ZNF804B: variants seen among roughly 807,000 people sequenced by gnomAD.
ZNF804B encodes the protein zinc finger protein 804B.
Under a neutral mutation model 101.4 loss-of-function variants are expected in ZNF804B, and 80 were observed. That is an observed-to-expected ratio of 0.79 (90% confidence interval 0.66 to 0.95). The LOEUF is 0.95. ZNF804B is among the 40% of genes least tolerant of loss of function. The pLI, the probability that ZNF804B is intolerant of heterozygous loss-of-function variation, is 0.00. For missense variants in ZNF804B, 1,673 were observed against 1,561.9 expected, an observed-to-expected ratio of 1.07 and a Z score of -1.20; for synonymous variants, 622 against 558.8, an observed-to-expected ratio of 1.11 and a Z score of -1.59.
At chr7:88,848,621 C>CTT (rs35391874) in intron 1 of ZNF804B, among the ~76,000 whole-genome samples, 4,825 of 111,064 alleles carry the variant, frequency 0.043, 281 homozygotes, top group African/African-American at 0.14. Context: ...AATGCATTTT[C>CTT]TTTTTTTTTT....
chr7:89,270,432 T>A (rs1205640242), intron 2 of ZNF804B, among the ~76,000 whole-genome samples: 1 of 152,168 alleles, frequency 6.6e-6, no homozygotes, highest in Non-Finnish European at 1.5e-5. Context: ...TATATTTCTG[T>A]TTTGGTACCA....
chr7:89,253,007 A>C (rs985288812), intron 2 of ZNF804B, among the ~76,000 whole-genome samples: 5 of 152,158 alleles, frequency 3.3e-5, no homozygotes, highest in Non-Finnish European at 7.4e-5. Context: ...ATGTGTACCC[A>C]CTATATCTAA....
At chr7:88,864,280 C>G (rs924770234) in intron 1 of ZNF804B, among the ~76,000 whole-genome samples, 3 of 152,150 alleles carry the variant, frequency 2.0e-5, no homozygotes, top group African/African-American at 7.2e-5. Flanking sequence ...AATTTTGTTG[C>G]AATGAATGAG....
chr7:88,763,967 T>G (rs865967256), intron 1 of ZNF804B, among the ~76,000 whole-genome samples: 57 of 152,310 alleles, frequency 3.7e-4, no homozygotes, highest in Admixed American at 3.3e-4. Flanking sequence ...TAATTAAATT[T>G]AATAACTTAA....
At chr7:89,002,932 A>G (rs1788310391) in intron 1 of ZNF804B, among the ~76,000 whole-genome samples, 1 of 152,006 alleles carries the variant, frequency 6.6e-6, no homozygotes, top group Non-Finnish European at 1.5e-5. Flanking sequence ...CAATTCTTGA[A>G]TGTGATTTCA....
At chr7:89,036,337 T>G (rs1788927138) in intron 1 of ZNF804B, among the ~76,000 whole-genome samples, 1 of 151,768 alleles carries the variant, frequency 6.6e-6, no homozygotes, top group East Asian at 1.9e-4. Context: ...GTAAGACCCT[T>G]AACACTGATG....
At chr7:88,931,611 C>A (rs1386959123) in intron 1 of ZNF804B, among the ~76,000 whole-genome samples, 1 of 151,766 alleles carries the variant, frequency 6.6e-6, no homozygotes, top group Non-Finnish European at 1.5e-5. Flanking sequence ...AACATCTTAA[C>A]GGCTCTGACT....
At chr7:89,298,296 T>A (rs1283385664) in intron 2 of ZNF804B, among the ~76,000 whole-genome samples, 1 of 132,496 alleles carries the variant, frequency 7.5e-6, no homozygotes, top group Non-Finnish European at 1.6e-5. Flanking sequence ...ACGTGCAGGT[T>A]TATTACATAG....
At chr7:89,225,889 T>A (rs1245806429) in intron 2 of ZNF804B, among the ~76,000 whole-genome samples, 1 of 152,128 alleles carries the variant, frequency 6.6e-6, no homozygotes, top group Non-Finnish European at 1.5e-5. Context: ...AAAAGCAGTT[T>A]ATGTTGGTAC....
chr7:89,203,720 G>A (rs767737390), intron 1 of ZNF804B, among the ~76,000 whole-genome samples: 19 of 152,062 alleles, frequency 1.2e-4, no homozygotes, highest in Non-Finnish European at 2.8e-4. Context: ...AGTAAACCAA[G>A]CAGCAGACTT....
In ZNF804B at chr7:89,285,096, A is replaced by G. The variant is rs184831192; in HGVS notation, c.250-42248A>G. On this transcript the variant is annotated intron_variant, in intron 2 of 3. Transcript: ENST00000333190. ...TAGCCAGGCATGGTGGTGCACTCCT[A>G]TAGTCCCAACTATTTGGAAGGCTGA... Among the ~76,000 whole-genome samples, 33 of 152,014 alleles carry G rather than the reference A, an allele frequency of 2.2e-4. No homozygotes were observed. The East Asian group carries it at 5.4e-3, about 25-fold the overall frequency.
chr7:88,941,758 A>T (rs1238267906), intron 1 of ZNF804B, among the ~76,000 whole-genome samples: 1 of 151,968 alleles, frequency 6.6e-6, no homozygotes, highest in Non-Finnish European at 1.5e-5. Context: ...TAAATTGTGG[A>T]CTTTAGAAGA....
intron 1 of ZNF804B, among the ~76,000 whole-genome samples, chr7:88,948,332 G>A (rs994208798): frequency 1.9e-5 from 1 of 51,622 alleles, no homozygotes; most frequent in Non-Finnish European, 4.0e-5. Context: ...TTTTTTTTTT[G>A]AGATGAGGGT....
At chr7:89,277,058 T>C (rs1011694373) in intron 2 of ZNF804B, among the ~76,000 whole-genome samples, 4 of 150,642 alleles carry the variant, frequency 2.7e-5, no homozygotes, top group Non-Finnish European at 4.4e-5. Context: ...CTTTGGTCTG[T>C]TGTCAAATTT....
intron 1 of ZNF804B, among the ~76,000 whole-genome samples, chr7:88,908,202 T>C (rs1223789591): frequency 1.3e-5 from 2 of 151,850 alleles, no homozygotes; most frequent in Admixed American, 1.3e-4. Flanking sequence ...ATCTTTAAGA[T>C]ACATTACACA....
At chr7:89,167,747 A>G (rs1307991775) in intron 1 of ZNF804B, among the ~76,000 whole-genome samples, 1 of 152,138 alleles carries the variant, frequency 6.6e-6, no homozygotes, top group Non-Finnish European at 1.5e-5. Context: ...TATGGTAGCT[A>G]TTATTAAACT....
intron 1 of ZNF804B, among the ~76,000 whole-genome samples, chr7:88,851,667 A>G (rs553349687): frequency 2.8e-4 from 42 of 152,136 alleles, no homozygotes; most frequent in Non-Finnish European, 4.4e-4. Context: ...CCACATGGAA[A>G]TATGGTTCTA....
chr7:88,926,824 C>T (rs1237852499), intron 1 of ZNF804B, among the ~76,000 whole-genome samples: 1 of 151,876 alleles, frequency 6.6e-6, no homozygotes. Flanking sequence ...ACCCTTACAG[C>T]CAATGTAAGA....
chr7:88,861,180 C>A (rs910877440), intron 1 of ZNF804B, among the ~76,000 whole-genome samples: 1 of 152,116 alleles, frequency 6.6e-6, no homozygotes, highest in Non-Finnish European at 1.5e-5. Flanking sequence ...TTATGAGGAT[C>A]CCAGTCTACT....
Sources: allele counts gnomAD v4.1 joint callset (sites outside exome capture counted in the v4.1 genomes callset), GRCh38; gene constraint gnomAD v4.1.1; transcripts MANE v1.5; gene names NCBI Gene and HGNC (gene_info 2026-07-23, HGNC 2026-07-21).